Variants in ADAMTSL3 observed in about 807,000 individuals in gnomAD.
ADAMTSL3 encodes ADAMTS-like protein 3.
A neutral mutation model predicts 201.7 loss-of-function variants in ADAMTSL3; 128 were observed. That is an observed-to-expected ratio of 0.63 (90% confidence interval 0.55 to 0.73). The LOEUF is 0.73. ADAMTSL3 is among the 30% of genes least tolerant of loss of function. The pLI, the probability that ADAMTSL3 is intolerant of heterozygous loss-of-function variation, is 0.00. For synonymous variants in ADAMTSL3, 738 were observed against 748.4 expected, an observed-to-expected ratio of 0.99 and a Z score of 0.23; for missense variants, 1,990 against 2,119.6, an observed-to-expected ratio of 0.94 and a Z score of 1.20.
chr15:83,919,424 A>T (rs575398262), intron 16 of ADAMTSL3, among the ~76,000 whole-genome samples: 2 of 152,290 alleles, frequency 1.3e-5, no homozygotes, highest in African/African-American at 4.8e-5. Context: ...GTTGCTTGCC[A>T]TGCAGAGGCG....
rs377765039 is a variant in ADAMTSL3, at chr15:83,898,042, G to A, written c.1615+37G>A. 3.8e-6 allele frequency: 6 copies of A among 1,564,582 alleles called. No homozygotes were observed. In the African/African-American group the frequency reaches 5.4e-5, roughly 14 times the overall value. On this transcript the variant is annotated intron_variant, in intron 14 of 29. Transcript: ENST00000286744. Reference sequence around the variant, plus strand: ...GTGCACTGTAAATTCAAATCAAATGGTATTTTCCAGCTCCCATTCCAATAT... The same window carrying A: ...GTGCACTGTAAATTCAAATCAAATGATATTTTCCAGCTCCCATTCCAATAT...
At chr15:83,764,437 A>G (rs145590942) in intron 3 of ADAMTSL3, among the ~76,000 whole-genome samples, 14 of 152,252 alleles carry the variant, frequency 9.2e-5, no homozygotes, top group East Asian at 7.8e-4. Flanking sequence ...GACAGCATCA[A>G]TGGTCTCCCT....
chr15:84,020,370 T>G (rs2068177761), intron 25 of ADAMTSL3, among the ~76,000 whole-genome samples: 1 of 152,226 alleles, frequency 6.6e-6, no homozygotes, highest in Non-Finnish European at 1.5e-5. Flanking sequence ...TCTTGAAAAT[T>G]AAATGAAAAA....
intron 23 of ADAMTSL3, among the ~76,000 whole-genome samples, chr15:84,000,117 A>C (rs180816565): frequency 6.6e-6 from 1 of 151,666 alleles, no homozygotes; most frequent in Admixed American, 6.6e-5. Flanking sequence ...GTTTTTGCAT[A>C]TACTTTTCAG....
intron 2 of ADAMTSL3, among the ~76,000 whole-genome samples, chr15:83,685,415 T>C (rs1201865489): frequency 1.3e-5 from 2 of 152,192 alleles, no homozygotes; most frequent in Admixed American, 6.5e-5. Context: ...CCTGGGGCAG[T>C]GTGTGACAAC....
chr15:83,766,830 C>T (rs766209431), intron 3 of ADAMTSL3, among the ~76,000 whole-genome samples: 1 of 152,172 alleles, frequency 6.6e-6, no homozygotes. Flanking sequence ...CGTAGTGGTT[C>T]ATGCCTGTAA....
chr15:83,916,546 TA>T (rs1169998160), intron 16 of ADAMTSL3, among the ~76,000 whole-genome samples: 1 of 152,212 alleles, frequency 6.6e-6, no homozygotes, highest in Non-Finnish European at 1.5e-5. Context: ...TTTCTTGGGT[TA>T]AAAAAGTTAT....
chr15:83,890,131 A>G lies in ADAMTSL3; in HGVS notation c.1095A>G (p.Glu365=). ...TAGGTTATCAGCTCAATTCTGCTGA[A>G]TGTGTGGATATCCGCTTGAAGAGGG... ...CGGGYQLNSA[E]CVDIRLKRVV... The change falls in exon 11 of 30, where the codon GAA becomes GAG. Residue 365 remains glutamate (E), a synonymous_variant. Transcript: ENST00000286744. 1 of 1,613,524 alleles carries G rather than the reference A, an allele frequency of 6.2e-7. No individual in the cohort carries two copies. Among genetic ancestry groups the G allele is most frequent in the African/African-American group, 1.3e-5 (1 of 75,034 alleles).
At chr15:83,987,972 A>AGGTTCT (rs2067511728) in intron 21 of ADAMTSL3, among the ~76,000 whole-genome samples, 2 of 152,308 alleles carry the variant, frequency 1.3e-5, no homozygotes, top group Non-Finnish European at 2.9e-5. Context: ...TTCCTAACAA[A>AGGTTCT]GGTTCTTCTC....
intron 17 of ADAMTSL3, among the ~76,000 whole-genome samples, chr15:83,938,343 C>T (rs1280554893): frequency 6.6e-6 from 1 of 152,130 alleles, no homozygotes; most frequent in Non-Finnish European, 1.5e-5. Context: ...TAGATAATGT[C>T]CCCTTTATGA....
chr15:83,945,851 G>A (rs1428268223), intron 19 of ADAMTSL3: 1 of 152,310 alleles, frequency 6.6e-6, no homozygotes, highest in African/African-American at 2.4e-5. Flanking sequence ...AGATCCCTGG[G>A]TGTTGTAATG....
intron 2 of ADAMTSL3, among the ~76,000 whole-genome samples, chr15:83,697,639 C>T (rs1031158681): frequency 6.6e-6 from 1 of 152,128 alleles, no homozygotes; most frequent in Non-Finnish European, 1.5e-5. Flanking sequence ...TGAAGAGATA[C>T]GTAGGGTGAG....
At chr15:83,836,003 C>G (rs1056207827) in intron 6 of ADAMTSL3, among the ~76,000 whole-genome samples, 1 of 152,134 alleles carries the variant, frequency 6.6e-6, no homozygotes, top group Non-Finnish European at 1.5e-5. Context: ...AAGGTATCAC[C>G]TCATGACAAA....
intron 3 of ADAMTSL3, among the ~76,000 whole-genome samples, chr15:83,737,920 CAG>C: frequency 6.6e-6 from 1 of 152,260 alleles, no homozygotes; most frequent in South Asian, 2.1e-4. Flanking sequence ...TATTAGAAGA[CAG>C]AGACACTATT....
intron 8 of ADAMTSL3, among the ~76,000 whole-genome samples, chr15:83,866,186 T>G (rs539953499): frequency 6.6e-6 from 1 of 152,366 alleles, no homozygotes. Flanking sequence ...TCAACCATTG[T>G]GGAAGACAGT....
At chr15:83,686,313 G>A (rs1163502337) in intron 2 of ADAMTSL3, among the ~76,000 whole-genome samples, 1 of 152,170 alleles carries the variant, frequency 6.6e-6, no homozygotes, top group Non-Finnish European at 1.5e-5. Flanking sequence ...TATGGGAGGG[G>A]ACAAACAGAT....
chr15:83,760,522 G>T (rs970381353), intron 3 of ADAMTSL3, among the ~76,000 whole-genome samples: 1 of 151,948 alleles, frequency 6.6e-6, no homozygotes, highest in Non-Finnish European at 1.5e-5. Context: ...TAATTTAATT[G>T]TTTCCATATT....
chr15:83,933,831 A>G (rs1475468679), intron 17 of ADAMTSL3, among the ~76,000 whole-genome samples: 1 of 152,232 alleles, frequency 6.6e-6, no homozygotes, highest in Non-Finnish European at 1.5e-5. Flanking sequence ...CCATTGCTTC[A>G]GAGGGTGCAA....
intron 14 of ADAMTSL3, among the ~76,000 whole-genome samples, chr15:83,899,186 A>G (rs1312388524): frequency 2.0e-5 from 3 of 152,294 alleles, no homozygotes; most frequent in South Asian, 4.2e-4. Flanking sequence ...AACAACAGTA[A>G]AAGTCTGAGT....
Sources: gnomAD v4.1 joint callset for allele counts (sites outside exome capture counted in the v4.1 genomes callset) on GRCh38, gnomAD v4.1.1 for gene constraint, MANE v1.5 for transcripts, NCBI Gene and HGNC (gene_info 2026-07-23, HGNC 2026-07-21) for gene names.